The following NXPH1 variants were observed in gnomAD, a reference collection of about 807,000 sequenced individuals.
The protein encoded by NXPH1 is neurexophilin-1.
A neutral mutation model predicts 23.7 loss-of-function variants in NXPH1; 5 were observed. The ratio of observed to expected loss-of-function variants is 0.21; its 90% CI spans 0.11 to 0.44. The LOEUF (loss-of-function observed/expected upper bound fraction) is 0.44. Ranked by LOEUF, NXPH1 falls within the 20% of genes least tolerant of loss-of-function variation. The pLI is 0.99. For synonymous variants in NXPH1, 144 were observed against 122.2 expected, an observed-to-expected ratio of 1.18 and a Z score of -1.18; for missense variants, 324 against 321.6, an observed-to-expected ratio of 1.01 and a Z score of -0.06.
intron 2 of NXPH1, among the ~76,000 whole-genome samples, chr7:8,661,430 C>T (rs554328856): frequency 1.2e-4 from 18 of 152,186 alleles, no homozygotes; most frequent in African/African-American, 2.2e-4. Context: ...AAAGCTTGTC[C>T]GACCCACCTT....
intron 2 of NXPH1, among the ~76,000 whole-genome samples, chr7:8,724,350 A>G (rs1267380982): frequency 1.3e-5 from 2 of 152,158 alleles, no homozygotes; most frequent in Non-Finnish European, 2.9e-5. Context: ...TAATTAAAAT[A>G]CCTCTCAGTA....
At chr7:8,577,538 G>A (rs181112770) in intron 2 of NXPH1, among the ~76,000 whole-genome samples, 475 of 152,200 alleles carry the variant, frequency 3.1e-3, no homozygotes, top group Non-Finnish European at 4.7e-3. Flanking sequence ...TTCATCTATT[G>A]ATCTATGATT....
At position 8,435,495 on chromosome 7, in the gene NXPH1, C is replaced by CT. The variant is rs143262821; in HGVS notation, c.-110-99dup. 2,615 of 485,184 alleles carry CT rather than the reference C, an allele frequency of 5.4e-3. 1 individual carries two copies. The highest frequency in any genetic ancestry group is 7.4e-3 in the Middle Eastern group (13 of 1,758). 30.1% of individuals were successfully genotyped at this position (485,184 alleles called of 1,614,324 possible). Reference sequence around the variant, plus strand: ...TTTCAATTTTTCGTACCCTCCCTCCCTTTTTTTTTTGGTCCCCCACTCCCC... The same window carrying CT: ...TTTCAATTTTTCGTACCCTCCCTCCCTTTTTTTTTTTGGTCCCCCACTCCCC... On this transcript the variant is annotated intron_variant, in intron 1 of 2. Transcript: ENST00000405863. The surrounding 1 kb of genome is among the most constrained non-coding windows in gnomAD (Gnocchi z 5.9).
chr7:8,525,673 T>C (rs1817851068), intron 2 of NXPH1, among the ~76,000 whole-genome samples: 1 of 152,168 alleles, frequency 6.6e-6, no homozygotes, highest in African/African-American at 2.4e-5. Flanking sequence ...TAGCCATGGC[T>C]GAAAGGGGCC....
At chr7:8,488,567 A>C (rs1040722634) in intron 2 of NXPH1, among the ~76,000 whole-genome samples, 7 of 152,268 alleles carry the variant, frequency 4.6e-5, no homozygotes, top group Non-Finnish European at 4.4e-5. Context: ...CAGAAGGTAC[A>C]TAATGGGAAT....
chr7:8,538,836 C>T (rs748050558), intron 2 of NXPH1, among the ~76,000 whole-genome samples: 3 of 151,850 alleles, frequency 2.0e-5, no homozygotes, highest in Non-Finnish European at 4.4e-5. Context: ...AAGTCCCAGA[C>T]AGCAAGCTGT....
Position 8,696,915 on chromosome 7 carries a change from G to A in NXPH1, c.55-54093G>A, listed in dbSNP as rs147088072. On this transcript the variant is annotated intron_variant, in intron 2 of 2. Coordinates refer to ENST00000405863, the MANE Select transcript of NXPH1 (RefSeq NM_152745.3). ...TCCCAGCACTTTGGGAGGCTGAGGT[G>A]GATGGATCACTTGAGGCCAGGAGTT... Among the ~76,000 whole-genome samples, 4 of 151,186 alleles carry A rather than the reference G, an allele frequency of 2.6e-5. No individual in the cohort carries two copies. The South Asian group carries it at 8.4e-4, about 32-fold the overall frequency.
intron 2 of NXPH1, among the ~76,000 whole-genome samples, chr7:8,702,076 G>T (rs1203961374): frequency 1.3e-5 from 2 of 149,002 alleles, no homozygotes; most frequent in Admixed American, 6.7e-5. Context: ...AACTTTTGTT[G>T]TCTGTGTTAT....
chr7:8,560,423 A>G (rs1176879099), intron 2 of NXPH1, among the ~76,000 whole-genome samples: 2 of 151,868 alleles, frequency 1.3e-5, no homozygotes, highest in East Asian at 3.9e-4. Context: ...GATGTGACAG[A>G]CTGCAAGGGA....
intron 2 of NXPH1, among the ~76,000 whole-genome samples, chr7:8,515,345 T>C (rs912224713): frequency 2.0e-5 from 3 of 152,108 alleles, no homozygotes; most frequent in African/African-American, 7.2e-5. Flanking sequence ...GGATAGATCA[T>C]GGGACACATG....
intron 2 of NXPH1, among the ~76,000 whole-genome samples, chr7:8,496,891 T>C (rs1400903108): frequency 6.6e-6 from 1 of 152,102 alleles, no homozygotes; most frequent in Non-Finnish European, 1.5e-5. Context: ...AATTATACTT[T>C]AAGTTCTAGG....
intron 2 of NXPH1, among the ~76,000 whole-genome samples, chr7:8,547,453 A>G (rs1252665849): frequency 7.4e-6 from 1 of 135,048 alleles, no homozygotes; most frequent in East Asian, 2.0e-4. Flanking sequence ...TATGATAAAT[A>G]AATGAAAGAC....
chr7:8,720,205 C>G (rs1338493651), intron 2 of NXPH1, among the ~76,000 whole-genome samples: 1 of 152,184 alleles, frequency 6.6e-6, no homozygotes, highest in Non-Finnish European at 1.5e-5. Flanking sequence ...AAAATGTACA[C>G]TCTTAAATAG....
chr7:8,528,642 G>C (rs948093134), intron 2 of NXPH1, among the ~76,000 whole-genome samples: 2 of 152,132 alleles, frequency 1.3e-5, no homozygotes, highest in African/African-American at 4.8e-5. Context: ...AACAGCTTTA[G>C]TTTGCTACTG....
intron 2 of NXPH1, among the ~76,000 whole-genome samples, chr7:8,586,295 G>A (rs1379858759): frequency 1.3e-5 from 2 of 152,078 alleles, no homozygotes; most frequent in African/African-American, 4.8e-5. Context: ...TGTGGAGGGA[G>A]GTTGTATAAA....
chr7:8,469,177 TA>T (rs1816831212), intron 2 of NXPH1, among the ~76,000 whole-genome samples: 1 of 151,998 alleles, frequency 6.6e-6, no homozygotes, highest in Non-Finnish European at 1.5e-5. Context: ...GTTATTTTTT[TA>T]AAAAAGTACC....
rs563467646 is a variant in NXPH1, at chr7:8,466,284, T to C, written c.54+30517T>C. ...CATTAAGCAGCTAATGGAGTTGATA[T>C]ATTAAATACAACGCTAGTCTGTATA... is the stretch of plus-strand genomic sequence containing the variant. On this transcript the variant is annotated intron_variant, in intron 2 of 2. Transcript: ENST00000405863. Among the ~76,000 whole-genome samples, 4 of 152,326 alleles carry C rather than the reference T, an allele frequency of 2.6e-5. No homozygotes were observed. The South Asian group carries it at 6.2e-4, about 24-fold the overall frequency.
rs575797338 is a variant in NXPH1 at position 8,722,144 on chromosome 7, C to T, written c.55-28864C>T. 5.4e-5 allele frequency among the ~76,000 whole-genome samples: 8 copies of T among 146,962 alleles called. No homozygotes were observed. The East Asian group carries it at 6.0e-4, about 11-fold the overall frequency. On this transcript the variant is annotated intron_variant, in intron 2 of 2. Coordinates refer to ENST00000405863, the MANE Select transcript of NXPH1 (RefSeq NM_152745.3). ...GACTTAGAGATGGATTTGAAGTATG[C>T]GAAAAAAAAAGACTTCCATGGAATA...
intron 2 of NXPH1, among the ~76,000 whole-genome samples, chr7:8,687,503 A>T (rs1367265399): frequency 1.3e-5 from 2 of 152,140 alleles, no homozygotes; most frequent in Non-Finnish European, 2.9e-5. Context: ...CATTTTTCTA[A>T]TCATAGAAAC....
Sources: gnomAD v4.1 joint callset for allele counts (sites outside exome capture counted in the v4.1 genomes callset) on GRCh38, gnomAD v4.1.1 for gene constraint, Gnocchi (gnomAD v3.1) non-coding constraint, MANE v1.5 for transcripts, NCBI Gene and HGNC (gene_info 2026-07-23, HGNC 2026-07-21) for gene names.